The following ACTA2 variants were observed in gnomAD, a reference collection of about 807,000 sequenced individuals.
The protein encoded by ACTA2 is actin alpha 2, smooth muscle, also known as actin, aortic smooth muscle.
Under a neutral mutation model 39.5 loss-of-function variants are expected in ACTA2, and 12 were observed. The ratio of observed to expected loss-of-function variants is 0.30; its 90% confidence interval spans 0.19 to 0.49. ACTA2 has a LOEUF of 0.49. Among genes scored for constraint, ACTA2 ranks in the 20% least tolerant of loss-of-function variants. The probability of loss-of-function intolerance (pLI) is 0.99; values close to 1 mark genes in which losing one functional copy is unlikely to be tolerated. For missense variants in ACTA2, 236 were observed against 498.8 expected, an observed-to-expected ratio of 0.47 and a Z score of 5.02; for synonymous variants, 158 against 180.6, an observed-to-expected ratio of 0.88 and a Z score of 1.00.
intron 1 of ACTA2, chr10:88,989,711 T>C: frequency 2.6e-6 from 1 of 390,574 alleles, no homozygotes; most frequent in South Asian, 1.9e-5. Context: ...GGATGAACAG[T>C]GGGCTAAGCA....
chr10:88,950,039 T>C (rs1459665210), intron 1 of ACTA2, among the ~76,000 whole-genome samples: 2 of 152,150 alleles, frequency 1.3e-5, no homozygotes, highest in Non-Finnish European at 2.9e-5. Context: ...ATTTGAGAAA[T>C]TGAAGGCATA....
intron 7 of ACTA2, chr10:88,938,546 T>G: frequency 1.9e-5 from 7 of 368,506 alleles, no homozygotes; most frequent in East Asian, 6.3e-5. Context: ...AGCCTTCCAA[T>G]TCCCTGCAAA....
In ACTA2 at chr10:88,941,223, C is replaced by T. The variant is rs1270669606; in HGVS notation, c.616+6G>A. 3.1e-6 allele frequency: 5 copies of T among 1,613,724 alleles called. No individual in the cohort carries two copies. The highest frequency in any genetic ancestry group is 4.2e-6 in the Non-Finnish European group (5 of 1,179,844). On this transcript the variant is annotated splice_donor_region_variant and intron_variant, in intron 6 of 8. Transcript: ENST00000224784. The stretch of plus-strand genomic sequence containing the variant: ...CCCTCTCCCCCTTATCTCCCACAGG[C>T]CTCACCAGTAGTAACGAAGGAATAG...
upstream of ACTA2, among the ~76,000 whole-genome samples, chr10:88,953,965 G>A (rs1339231798): frequency 6.6e-6 from 1 of 152,082 alleles, no homozygotes; most frequent in South Asian, 2.1e-4. Context: ...TGTCTTTATA[G>A]CAATGTGAAA....
At chr10:88,972,065 C>T (rs1252273407) in intron 1 of ACTA2, among the ~76,000 whole-genome samples, 2 of 152,014 alleles carry the variant, frequency 1.3e-5, no homozygotes, top group Non-Finnish European at 2.9e-5. Flanking sequence ...CACACCACCA[C>T]GCCCAGTTAA....
At chr10:88,967,216 T>G (rs1217799448) in intron 1 of ACTA2, among the ~76,000 whole-genome samples, 1 of 152,174 alleles carries the variant, frequency 6.6e-6, no homozygotes, top group African/African-American at 2.4e-5. Flanking sequence ...GAGCTCCCAG[T>G]TCTTTAAACC....
At chr10:88,938,760 T>G (rs942286551) in intron 7 of ACTA2, among the ~76,000 whole-genome samples, 1 of 152,138 alleles carries the variant, frequency 6.6e-6, no homozygotes, top group African/African-American at 2.4e-5. Flanking sequence ...GGGTCTGGAC[T>G]TTTGTTAATT....
In ACTA2 at chr10:88,939,559, G is replaced by A. The variant is rs982289637; in HGVS notation, c.756C>T (p.Ile252=). The A allele has an allele frequency of 9.3e-6, 15 of 1,613,956 alleles. No homozygotes were observed. Among genetic ancestry groups the A allele is most frequent in the Middle Eastern group, 1.7e-4 (1 of 6,052 alleles). The part of the protein sequence containing the change: ...YELPDGQVIT[I]GNERFRCPET... Reference sequence around the variant, plus strand: ...CTGGGCAGCGGAAACGTTCATTTCCGATGGTGATCACTTGCCCATCAGGCA... The same window carrying A: ...CTGGGCAGCGGAAACGTTCATTTCCAATGGTGATCACTTGCCCATCAGGCA... The change falls in exon 7 of 9, where the codon ATC becomes ATT. Residue 252 remains isoleucine (I), a synonymous_variant. Coordinates refer to ENST00000224784, the MANE Select transcript of ACTA2 (RefSeq NM_001613.4).
intron 2 of ACTA2, 191 bp downstream of exon 2, chr10:88,948,611 A>T (rs1845995661): frequency 1.4e-6 from 1 of 690,628 alleles, no homozygotes; most frequent in South Asian, 1.7e-5. Context: ...TATCTGATAG[A>T]TGCCCATCAG....
At position 88,990,748 on chromosome 10, in the gene ACTA2, T is replaced by C. The variant is rs770692828; in HGVS notation, c.-24+191A>G. ...TGGCTGGAGCCTCAGGGGCGGGCAC[T>C]GGCACGGAACACACCCTGAGGCCAG... On this transcript the variant is annotated intron_variant, in intron 1 of 4. Coordinates refer to the ACTA2 transcript ENST00000415557. The surrounding 1 kb of genome is among the most constrained non-coding windows in gnomAD (Gnocchi z 4.9). 1.2e-4 allele frequency: 146 copies of C among 1,168,486 alleles called. No individual in the cohort carries two copies. The highest frequency in any genetic ancestry group is 1.8e-4 in the Non-Finnish European group (138 of 788,376). 72.4% of individuals were successfully genotyped at this position (1,168,486 alleles called of 1,614,324 possible).
chr10:88,964,167 T>C lies in ACTA2; in HGVS notation c.-23-15214A>G, dbSNP rs137957397. Among the ~76,000 whole-genome samples the C allele has an allele frequency of 6.6e-3, 1,004 of 152,248 alleles. 20 individuals are homozygous for C. Among genetic ancestry groups the C allele is most frequent in the African/African-American group, 0.023 (947 of 41,554 alleles). ...GTTTAGTTTCACATATTTTGCATTG[T>C]ATGGGAGGAAAAAAGAATTCTCTCT... On this transcript the variant is annotated intron_variant, in intron 1 of 4. Transcript: ENST00000415557.
intron 1 of ACTA2, chr10:88,974,783 C>A (rs1846526524): frequency 6.6e-6 from 1 of 152,138 alleles, no homozygotes; most frequent in Non-Finnish European, 1.5e-5. Flanking sequence ...TTTTTGGGAT[C>A]CTGATTAATG....
intron 1 of ACTA2, among the ~76,000 whole-genome samples, chr10:88,983,913 A>G (rs1012692489): frequency 6.6e-6 from 1 of 152,186 alleles, no homozygotes; most frequent in Non-Finnish European, 1.5e-5. Context: ...TAAAGGCCTC[A>G]ATTTCTCCCT....
intron 1 of ACTA2, among the ~76,000 whole-genome samples, chr10:88,981,760 G>A (rs1407851593): frequency 1.3e-5 from 2 of 152,144 alleles, no homozygotes; most frequent in East Asian, 1.9e-4. Context: ...CAGATACTAC[G>A]TGTTTCAGTC....
chr10:88,979,606 TG>T, intron 1 of ACTA2, among the ~76,000 whole-genome samples: 1 of 151,972 alleles, frequency 6.6e-6, no homozygotes, highest in East Asian at 1.9e-4. Context: ...TAATTGTTAA[TG>T]ATGACTTTTT....
rs577958374 is a variant in ACTA2 at position 88,941,568 on chromosome 10, G to T, written c.455-178C>A. Among the ~76,000 whole-genome samples, 8 of 152,270 alleles carry T rather than the reference G, an allele frequency of 5.3e-5. No individual in the cohort carries two copies. In the South Asian group the frequency reaches 1.5e-3, roughly 28 times the overall value. Reference sequence around the variant, plus strand: ...CAGGGCTCGGGGAAGATGAAAAAAAGTAAAGAACAGGAAGAGGAAAACAGT... The same window carrying T: ...CAGGGCTCGGGGAAGATGAAAAAAATTAAAGAACAGGAAGAGGAAAACAGT... On this transcript the variant is annotated intron_variant, in intron 5 of 8. Coordinates refer to ENST00000224784, the MANE Select transcript of ACTA2 (RefSeq NM_001613.4).
intron 1 of ACTA2, among the ~76,000 whole-genome samples, chr10:88,958,551 C>A (rs1328261397): frequency 6.6e-6 from 1 of 152,128 alleles, no homozygotes; most frequent in Admixed American, 6.5e-5. Flanking sequence ...CAAGCACATG[C>A]ACAGAGGTGT....
chr10:88,969,660 T>C (rs1262306816), intron 1 of ACTA2, among the ~76,000 whole-genome samples: 2 of 152,238 alleles, frequency 1.3e-5, no homozygotes, highest in Non-Finnish European at 2.9e-5. Context: ...AAACCTCCTC[T>C]GACCACCATA....
At chr10:88,954,111 G>A (rs1388091730), upstream of ACTA2, among the ~76,000 whole-genome samples, 1 of 152,052 alleles carries the variant, frequency 6.6e-6, no homozygotes, top group Non-Finnish European at 1.5e-5. Context: ...ATTTTTGTGG[G>A]TACTGTGAGT....
Sources: gnomAD v4.1 joint callset for allele counts (sites outside exome capture counted in the v4.1 genomes callset) on GRCh38, gnomAD v4.1.1 for gene constraint, Gnocchi (gnomAD v3.1) non-coding constraint, MANE v1.5 for transcripts, NCBI Gene and HGNC (gene_info 2026-07-23, HGNC 2026-07-21) for gene names.